KCNQ5: variants seen among roughly 807,000 people sequenced by gnomAD.
The protein encoded by KCNQ5 is potassium voltage-gated channel subfamily Q member 5, also known as potassium voltage-gated channel subfamily KQT member 5.
In KCNQ5, 30 loss-of-function variants were observed where a neutral mutation model predicts 98.2. The ratio of observed to expected loss-of-function variants is 0.31; its 90% CI spans 0.23 to 0.41. The LOEUF is 0.41. Among genes scored for constraint, KCNQ5 ranks in the 10% least tolerant of loss-of-function variants. The pLI is 1.00. For synonymous variants in KCNQ5, 458 were observed against 449.4 expected, an observed-to-expected ratio of 1.02 and a Z score of -0.24; for missense variants, 835 against 1,182.5, an observed-to-expected ratio of 0.71 and a Z score of 4.31.
At chr6:73,040,909 C>T (rs1453543411) in intron 2 of KCNQ5, among the ~76,000 whole-genome samples, 1 of 152,142 alleles carries the variant, frequency 6.6e-6, no homozygotes, top group Admixed American at 6.5e-5. Flanking sequence ...AGAATGTTTA[C>T]TTTCTCTGCT....
At chr6:72,869,692 C>A (rs1778129122) in intron 1 of KCNQ5, among the ~76,000 whole-genome samples, 1 of 152,060 alleles carries the variant, frequency 6.6e-6, no homozygotes, top group Admixed American at 6.6e-5. Flanking sequence ...TAAAGAAGTA[C>A]TTTTTAATGA....
intron 1 of KCNQ5, among the ~76,000 whole-genome samples, chr6:72,833,017 T>C (rs1776350746): frequency 6.6e-6 from 1 of 152,206 alleles, no homozygotes; most frequent in African/African-American, 2.4e-5. Flanking sequence ...TGTACTTCAT[T>C]GCACAGTTTC....
At chr6:72,913,610 A>G (rs1219836591) in intron 1 of KCNQ5, among the ~76,000 whole-genome samples, 1 of 152,240 alleles carries the variant, frequency 6.6e-6, no homozygotes, top group Admixed American at 6.5e-5. Flanking sequence ...GTGTTTTGTT[A>G]TGGGTTTTCT....
intron 1 of KCNQ5, among the ~76,000 whole-genome samples, chr6:72,830,874 A>C (rs1016061954): frequency 2.0e-5 from 3 of 152,214 alleles, no homozygotes; most frequent in Admixed American, 2.0e-4. Context: ...CAAAGAACTC[A>C]AACAAATTTA....
intron 1 of KCNQ5, among the ~76,000 whole-genome samples, chr6:72,626,807 CTG>C (rs771309435): frequency 3.9e-5 from 6 of 152,094 alleles, no homozygotes; most frequent in Non-Finnish European, 4.4e-5. Context: ...AAGGCAGTAA[CTG>C]TGGAGATGAG....
chr6:72,694,552 A>G (rs1200072843), intron 1 of KCNQ5, among the ~76,000 whole-genome samples: 1 of 152,244 alleles, frequency 6.6e-6, no homozygotes, highest in East Asian at 1.9e-4. Flanking sequence ...GGGCAAGTCA[A>G]TGAAGCTCAC....
At chr6:72,639,962 A>G (rs77583534) in intron 1 of KCNQ5, among the ~76,000 whole-genome samples, 1 of 152,166 alleles carries the variant, frequency 6.6e-6, no homozygotes, top group Non-Finnish European at 1.5e-5. Context: ...TTAAAAAAAA[A>G]GTTTGGAATG....
chr6:72,940,702 A>C (rs1004472472), intron 1 of KCNQ5, among the ~76,000 whole-genome samples: 1 of 152,358 alleles, frequency 6.6e-6, no homozygotes, highest in East Asian at 1.9e-4. Flanking sequence ...AAGCAGTATC[A>C]GGTAGCAATT....
At chr6:72,738,135 AC>A (rs1414689562) in intron 1 of KCNQ5, among the ~76,000 whole-genome samples, 1 of 148,996 alleles carries the variant, frequency 6.7e-6, no homozygotes, top group Admixed American at 6.7e-5. Flanking sequence ...AGCCTGGGCG[AC>A]AAAGCAAGAC....
intron 1 of KCNQ5, among the ~76,000 whole-genome samples, chr6:72,624,904 T>A (rs894243372): frequency 2.0e-5 from 3 of 152,212 alleles, no homozygotes; most frequent in Non-Finnish European, 4.4e-5. Context: ...TAGCCAGACT[T>A]TACACATTAC....
At chr6:72,671,285 AATAGGGATAC>A (rs1317619281) in intron 1 of KCNQ5, among the ~76,000 whole-genome samples, 3 of 152,190 alleles carry the variant, frequency 2.0e-5, no homozygotes, top group Non-Finnish European at 4.4e-5. Context: ...AGGAGAAAGG[AATAGGGATAC>A]TGATGAGTTT....
At chr6:72,998,056 C>T (rs1248460749) in intron 1 of KCNQ5, among the ~76,000 whole-genome samples, 2 of 152,108 alleles carry the variant, frequency 1.3e-5, no homozygotes, top group African/African-American at 4.8e-5. Flanking sequence ...GGATATTTTG[C>T]AAAGTACCAA....
At chr6:73,017,308 C>A (rs1770389282) in intron 2 of KCNQ5, among the ~76,000 whole-genome samples, 1 of 151,974 alleles carries the variant, frequency 6.6e-6, no homozygotes, top group Non-Finnish European at 1.5e-5. Context: ...TTTTAAGTTC[C>A]CACTTTAGGA....
At chr6:73,134,539 G>A (rs1367728604) in intron 10 of KCNQ5, among the ~76,000 whole-genome samples, 3 of 152,232 alleles carry the variant, frequency 2.0e-5, no homozygotes, top group Admixed American at 1.3e-4. Flanking sequence ...AATGATCTGA[G>A]GATCCCTGCA....
intron 1 of KCNQ5, among the ~76,000 whole-genome samples, chr6:72,778,228 C>T (rs940598872): frequency 3.3e-5 from 5 of 152,168 alleles, no homozygotes; most frequent in African/African-American, 9.7e-5. Context: ...ATGATGACTA[C>T]AGTAACATAA....
chr6:73,085,288 G>A (rs191379143), intron 5 of KCNQ5, among the ~76,000 whole-genome samples: 1 of 152,110 alleles, frequency 6.6e-6, no homozygotes, highest in South Asian at 2.1e-4. Context: ...ATGAAGCCCA[G>A]GTGTCCTCTT....
At chr6:72,741,884 C>A (rs1296938585) in intron 1 of KCNQ5, among the ~76,000 whole-genome samples, 1 of 152,166 alleles carries the variant, frequency 6.6e-6, no homozygotes, top group Non-Finnish European at 1.5e-5. Context: ...GCTAGAAAAG[C>A]AGACAAACCT....
At chr6:72,724,412 G>T (rs1770151227) in intron 1 of KCNQ5, among the ~76,000 whole-genome samples, 1 of 152,056 alleles carries the variant, frequency 6.6e-6, no homozygotes, top group South Asian at 2.1e-4. Context: ...TAAATAACTT[G>T]CAGGATTAAA....
At chr6:73,113,507 A>G (rs1197769252) in intron 7 of KCNQ5, among the ~76,000 whole-genome samples, 1 of 152,270 alleles carries the variant, frequency 6.6e-6, no homozygotes, top group African/African-American at 2.4e-5. Context: ...ATTAAAATTA[A>G]AAACCAAGTT....
Sources: allele counts gnomAD v4.1 joint callset (sites outside exome capture counted in the v4.1 genomes callset), GRCh38; gene constraint gnomAD v4.1.1; transcripts MANE v1.5; gene names NCBI Gene and HGNC (gene_info 2026-07-23, HGNC 2026-07-21).